The following NDST3 variants were observed in gnomAD, a reference collection of about 807,000 sequenced individuals.
NDST3 encodes bifunctional heparan sulfate N-deacetylase/N-sulfotransferase 3.
Under a neutral mutation model 96.1 loss-of-function variants are expected in NDST3, and 58 were observed. The ratio of observed to expected loss-of-function variants is 0.60; its 90% CI spans 0.49 to 0.75. The LOEUF is 0.75. Among genes scored for constraint, NDST3 ranks in the 30% least tolerant of loss-of-function variants. The pLI is 0.00. For synonymous variants in NDST3, 333 were observed against 359.7 expected (o/e 0.93, Z 0.84); for missense variants, 788 against 1,034.2 (o/e 0.76, Z 3.27).
At chr4:118,126,637 A>G (rs1732115506) in intron 4 of NDST3, among the ~76,000 whole-genome samples, 1 of 151,796 alleles carries the variant, frequency 6.6e-6, no homozygotes, top group African/African-American at 2.4e-5. Flanking sequence ...TATTGTAAAC[A>G]GTGCTGCAAC....
chr4:118,054,470 A>C lies in NDST3; in HGVS notation c.560A>C (p.Asn187Thr), dbSNP rs1725280517. 3.1e-6 allele frequency: 5 copies of C among 1,613,110 alleles called. No homozygotes were observed. In the South Asian group the frequency reaches 5.5e-5, roughly 18 times the overall value. The change falls in exon 2 of 14, where the codon AAT becomes ACT. Residue 187 changes from asparagine to threonine, a missense_variant. By Grantham distance (65) the Asn-to-Thr change is moderately conservative (BLOSUM62 0). This residue lies in a region of NDST3 where 234 missense variants were observed against 256.9 expected (regional missense o/e 0.91). Coordinates refer to ENST00000296499, the MANE Select transcript of NDST3 (RefSeq NM_004784.3). Reference protein sequence around the residue: ...LKGFPFSIYGNLAVKDCCINP... With the variant: ...LKGFPFSIYGTLAVKDCCINP... ...GGTTTCCCTTTTTCCATATATGGAA[A>C]TCTTGCAGTAAAAGATTGTTGTATT...
chr4:118,064,772 A>G (rs1344849438), intron 2 of NDST3, among the ~76,000 whole-genome samples: 1 of 152,132 alleles, frequency 6.6e-6, no homozygotes, highest in African/African-American at 2.4e-5. Context: ...TGCATTTCTG[A>G]AGGTCAGACA....
chr4:118,228,901 C>T (rs553084615), intron 8 of NDST3, among the ~76,000 whole-genome samples: 5 of 152,270 alleles, frequency 3.3e-5, no homozygotes, highest in Non-Finnish European at 2.9e-5. Context: ...ATTCATGTTG[C>T]TGTATATATC....
intron 7 of NDST3, 29 bp downstream of exon 7, chr4:118,224,702 C>T: frequency 6.7e-7 from 1 of 1,501,644 alleles, no homozygotes; most frequent in Non-Finnish European, 9.0e-7. Flanking sequence ...TTGATATAAC[C>T]AGTTAATTCC....
chr4:118,073,163 T>A (rs548462524), intron 2 of NDST3, among the ~76,000 whole-genome samples: 2 of 152,248 alleles, frequency 1.3e-5, no homozygotes, highest in South Asian at 4.1e-4. Flanking sequence ...TCTGTGTTCA[T>A]CCTGGATATT....
chr4:118,076,739 T>C (rs1727571191), intron 2 of NDST3, among the ~76,000 whole-genome samples: 1 of 152,224 alleles, frequency 6.6e-6, no homozygotes, highest in Non-Finnish European at 1.5e-5. Context: ...GTTTCTACTT[T>C]CTTTTGAATC....
chr4:118,050,937 A>T (rs531070920), intron 1 of NDST3, among the ~76,000 whole-genome samples: 76 of 152,356 alleles, frequency 5.0e-4, no homozygotes, highest in Non-Finnish European at 3.4e-4. Flanking sequence ...AAAAGAACAA[A>T]GCCAGAAGCA....
chr4:118,237,948 T>C (rs535816490), intron 10 of NDST3, among the ~76,000 whole-genome samples: 6 of 151,962 alleles, frequency 3.9e-5, no homozygotes, highest in Admixed American at 1.3e-4. Context: ...CTGGGCAACA[T>C]AGGGAGACTC....
At chr4:118,168,362 C>A (rs1235794493) in intron 6 of NDST3, among the ~76,000 whole-genome samples, 1 of 151,808 alleles carries the variant, frequency 6.6e-6, no homozygotes, top group Non-Finnish European at 1.5e-5. Context: ...TTAAAAAAGT[C>A]ACTAATCATC....
At chr4:118,077,627 G>C (rs1727655537) in intron 2 of NDST3, among the ~76,000 whole-genome samples, 1 of 152,158 alleles carries the variant, frequency 6.6e-6, no homozygotes, top group African/African-American at 2.4e-5. Context: ...TAATATACTT[G>C]CCCAGCTGGC....
At chr4:118,253,437 TC>T (rs1741889243) in intron 12 of NDST3, 61 bp from the exon 13 acceptor site, 8 of 1,050,058 alleles carry the variant, frequency 7.6e-6, no homozygotes, top group Non-Finnish European at 1.2e-5. Context: ...GGTCACCATA[TC>T]ATATAAATTG....
At chr4:118,076,948 C>T (rs575447612) in intron 2 of NDST3, among the ~76,000 whole-genome samples, 18 of 152,210 alleles carry the variant, frequency 1.2e-4, no homozygotes, top group African/African-American at 4.3e-4. Flanking sequence ...TTTGATGTTG[C>T]TGATGGGGTT....
At chr4:118,238,137 G>GAC (rs1334334023) in intron 10 of NDST3, among the ~76,000 whole-genome samples, 1 of 143,250 alleles carries the variant, frequency 7.0e-6, no homozygotes, top group Non-Finnish European at 1.5e-5. Flanking sequence ...GAGAGAGAGA[G>GAC]AGAGAGAGAA....
intron 2 of NDST3, among the ~76,000 whole-genome samples, chr4:118,101,919 T>A (rs1054876309): frequency 6.6e-6 from 1 of 152,068 alleles, no homozygotes; most frequent in Non-Finnish European, 1.5e-5. Context: ...CAAAATTTGG[T>A]TTTGGAAGAT....
chr4:118,225,352 A>G (rs1346158774), intron 7 of NDST3, among the ~76,000 whole-genome samples: 2 of 152,234 alleles, frequency 1.3e-5, no homozygotes, highest in Non-Finnish European at 2.9e-5. Flanking sequence ...GTGAAAAATA[A>G]TAATCTTGGC....
chr4:118,229,436 T>C (rs1740126558), intron 8 of NDST3, among the ~76,000 whole-genome samples: 1 of 152,234 alleles, frequency 6.6e-6, no homozygotes, highest in Non-Finnish European at 1.5e-5. Flanking sequence ...GTGTCTATGA[T>C]TATGTAGTTG....
At chr4:118,066,155 T>C (rs1216455305) in intron 2 of NDST3, among the ~76,000 whole-genome samples, 1 of 36,864 alleles carries the variant, frequency 2.7e-5, no homozygotes, top group Non-Finnish European at 5.7e-5. Flanking sequence ...ATATATTATA[T>C]ATATTATATA....
intron 6 of NDST3, chr4:118,193,782 C>T: frequency 6.7e-7 from 1 of 1,486,850 alleles, no homozygotes; most frequent in Non-Finnish European, 9.2e-7. Context: ...GCAGAGAAGG[C>T]CTGTAGTTTC....
chr4:118,178,379 G>A (rs900242904), intron 6 of NDST3, among the ~76,000 whole-genome samples: 3 of 151,938 alleles, frequency 2.0e-5, no homozygotes, highest in Non-Finnish European at 2.9e-5. Flanking sequence ...TCTGTTTTAT[G>A]TCTCTATAAA....
Sources: gnomAD v4.1 joint callset for allele counts (sites outside exome capture counted in the v4.1 genomes callset) on GRCh38, gnomAD v4.1.1 for gene constraint, gnomAD v4.1.1 regional missense constraint, MANE v1.5 for transcripts, NCBI Gene and HGNC (gene_info 2026-07-23, HGNC 2026-07-21) for gene names.